PRKAA2: variants seen among roughly 807,000 people sequenced by gnomAD.
The protein encoded by PRKAA2 is 5'-AMP-activated protein kinase catalytic subunit alpha-2.
PRKAA2 carries 40 observed loss-of-function variants against 56.3 expected under a neutral mutation model. The ratio of observed to expected loss-of-function variants is 0.71; its 90% CI spans 0.55 to 0.92. The LOEUF (loss-of-function observed/expected upper bound fraction) is 0.92. Among genes scored for constraint, PRKAA2 ranks in the 40% least tolerant of loss-of-function variants. PRKAA2 has a pLI of 0.00. For missense variants in PRKAA2, 542 were observed against 686.9 expected (o/e 0.79, Z 2.36); for synonymous variants, 214 against 234.2 (o/e 0.91, Z 0.79).
At chr1:56,697,475 A>G (rs1249616183) in intron 6 of PRKAA2, among the ~76,000 whole-genome samples, 1 of 152,082 alleles carries the variant, frequency 6.6e-6, no homozygotes, top group African/African-American at 2.4e-5. Flanking sequence ...GCCTTTCTTC[A>G]GTGTTCCAAA....
rs1644381969 is a variant in PRKAA2 at position 56,713,399 on chromosome 1, A to G, written c.*5686A>G. ...TTGTGACTATGATGTGACTTTTGGT[A>G]AAAATGGTTTATATCTAAAGTAGTT... On this transcript the variant is annotated 3_prime_UTR_variant, in exon 9 of 9. Coordinates refer to ENST00000371244, the MANE Select transcript of PRKAA2 (RefSeq NM_006252.4). 6.6e-6 allele frequency: 1 copy of G among 152,192 alleles called. No individual in the cohort carries two copies. The highest frequency in any genetic ancestry group is 6.6e-5 in the Admixed American group (1 of 15,250). 9.4% of individuals were successfully genotyped at this position (152,192 alleles called of 1,614,324 possible).
chr1:56,703,935 A>C (rs1309962997), intron 6 of PRKAA2, 36 bp from the exon 7 acceptor site: 1 of 1,550,774 alleles, frequency 6.4e-7, no homozygotes, highest in Non-Finnish European at 8.7e-7. Context: ...TTGCCAAACC[A>C]TGTCTTACAA....
rs1487857957 is a variant in PRKAA2, at chr1:56,708,301, G to A, written c.*588G>A. ...TATTCAACAGAAGGACTGTGGTCAT[G>A]TAACAGGTAACCACAATTTTCAGGT... On this transcript the variant is annotated 3_prime_UTR_variant, in exon 9 of 9. Transcript: ENST00000371244. 4 of 152,252 alleles carry A rather than the reference G, an allele frequency of 2.6e-5. No individual in the cohort carries two copies. In the East Asian group the frequency reaches 7.7e-4, roughly 29 times the overall value. 9.4% of individuals were successfully genotyped at this position (152,252 alleles called of 1,614,324 possible).
chr1:56,708,865 G>A lies in PRKAA2; in HGVS notation c.*1152G>A, dbSNP rs1376085814. 6.6e-6 allele frequency: 1 copy of A among 151,934 alleles called. No individual in the cohort carries two copies. The highest frequency in any genetic ancestry group is 2.4e-5 in the African/African-American group (1 of 41,406). The allele number at this position is 151,934 out of a possible 1,614,324, so 9.4% of individuals were successfully genotyped here. ...AGGGCAGGGAAGCTTTGAACATCAA[G>A]AAAAAATTTTTATCTTAAATAAATA... On this transcript the variant is annotated 3_prime_UTR_variant, in exon 9 of 9. Coordinates refer to ENST00000371244, the MANE Select transcript of PRKAA2 (RefSeq NM_006252.4).
At chr1:56,689,155 A>C (rs2100420980) in intron 2 of PRKAA2, among the ~76,000 whole-genome samples, 1 of 152,306 alleles carries the variant, frequency 6.6e-6, no homozygotes, top group South Asian at 2.1e-4. Context: ...AGAGCACAAA[A>C]GTGATTGAAA....
intron 1 of PRKAA2, among the ~76,000 whole-genome samples, chr1:56,663,750 A>AT (rs1644012779): frequency 6.6e-6 from 1 of 152,080 alleles, no homozygotes; most frequent in East Asian, 1.9e-4. Flanking sequence ...ACAATATTTA[A>AT]TTTTTTTTCT....
chr1:56,668,277 G>T (rs2746344), intron 1 of PRKAA2, among the ~76,000 whole-genome samples: 65 of 125,878 alleles, frequency 5.2e-4, no homozygotes, highest in South Asian at 4.1e-3. Flanking sequence ...GGTGGGGGGA[G>T]GGGGGAGGGA....
chr1:56,692,172 C>T (rs1644232609), intron 3 of PRKAA2, among the ~76,000 whole-genome samples, 186 bp from the exon 4 acceptor site: 2 of 151,808 alleles, frequency 1.3e-5, no homozygotes, highest in African/African-American at 4.8e-5. Context: ...GCTGGAACTA[C>T]AGGTGCATGT....
intron 6 of PRKAA2, among the ~76,000 whole-genome samples, chr1:56,699,217 A>C (rs980501698): frequency 6.6e-6 from 1 of 152,196 alleles, no homozygotes; most frequent in African/African-American, 2.4e-5. Context: ...TTTTTGAGGG[A>C]ATATTTGAAA....
chr1:56,701,955 G>T (rs1404838731), intron 6 of PRKAA2, among the ~76,000 whole-genome samples: 1 of 152,014 alleles, frequency 6.6e-6, no homozygotes, highest in African/African-American at 2.4e-5. Context: ...ACAACTAAAA[G>T]AATGTATTGT....
chr1:56,664,495 G>T (rs1253834808), intron 1 of PRKAA2, among the ~76,000 whole-genome samples: 2 of 151,608 alleles, frequency 1.3e-5, no homozygotes, highest in African/African-American at 4.8e-5. Flanking sequence ...ATATTTACTT[G>T]TTTATATTTA....
intron 2 of PRKAA2, among the ~76,000 whole-genome samples, chr1:56,680,341 G>GT (rs772401434): frequency 4.7e-4 from 70 of 149,176 alleles, no homozygotes; most frequent in Non-Finnish European, 8.3e-4. Flanking sequence ...AGGAATTATG[G>GT]TTTTTTTTTT....
chr1:56,668,804 C>T (rs1183460425), intron 1 of PRKAA2, among the ~76,000 whole-genome samples: 2 of 152,152 alleles, frequency 1.3e-5, no homozygotes, highest in Non-Finnish European at 2.9e-5. Context: ...TGCTGGACTT[C>T]ATATGGGAAT....
chr1:56,703,374 C>A (rs551568095), intron 6 of PRKAA2, among the ~76,000 whole-genome samples: 4 of 151,354 alleles, frequency 2.6e-5, no homozygotes, highest in African/African-American at 4.8e-5. Context: ...CCATATTTTC[C>A]AAAAAAAATT....
intron 1 of PRKAA2, among the ~76,000 whole-genome samples, chr1:56,672,410 C>T (rs934158202): frequency 1.3e-5 from 2 of 152,172 alleles, no homozygotes; most frequent in African/African-American, 4.8e-5. Flanking sequence ...AGCTGTCATG[C>T]TTGGCCCTTG....
intron 6 of PRKAA2, among the ~76,000 whole-genome samples, chr1:56,701,769 T>C (rs932827429): frequency 6.6e-6 from 1 of 151,018 alleles, no homozygotes; most frequent in African/African-American, 2.4e-5. Flanking sequence ...TGGCAGGTGC[T>C]TGTAGTCCCA....
intron 8 of PRKAA2, among the ~76,000 whole-genome samples, chr1:56,707,213 A>G (rs1239821015): frequency 6.6e-6 from 1 of 152,132 alleles, no homozygotes; most frequent in Non-Finnish European, 1.5e-5. Context: ...TTTGATTCCA[A>G]TATCAATGCC....
rs1197456016 is a variant in PRKAA2 at position 56,693,766 on chromosome 1, A to G, written c.477A>G (p.Gly159=). The change falls in exon 5 of 9, where the codon GGA becomes GGG. Residue 159 remains glycine (G), a splice_region_variant and synonymous_variant. Transcript: ENST00000371244. ...AGTAAACATTACTTTTATTTTTAGG[A>G]TTATCTAATATGATGTCAGATGGTG... ...AHMNAKIADF[G]LSNMMSDGEF... 6.4e-7 allele frequency: 1 copy of G among 1,560,402 alleles called. No homozygotes were observed. The highest frequency in any genetic ancestry group is 1.2e-5 in the South Asian group (1 of 84,094).
chr1:56,708,038 G>A lies in PRKAA2; in HGVS notation c.*325G>A, dbSNP rs2100442040. On this transcript the variant is annotated 3_prime_UTR_variant, in exon 9 of 9. Coordinates refer to ENST00000371244, the MANE Select transcript of PRKAA2 (RefSeq NM_006252.4). Reference sequence around the variant, plus strand: ...CACTGGCGAACCATCTCAATGTAAGGGTGGTTTGGCAACACCTCCTTGCTT... The same window carrying A: ...CACTGGCGAACCATCTCAATGTAAGAGTGGTTTGGCAACACCTCCTTGCTT... The A allele has an allele frequency of 6.8e-6, 2 of 292,916 alleles. No homozygotes were observed. The highest frequency in any genetic ancestry group is 1.3e-5 in the Non-Finnish European group (2 of 156,196). 18.1% of individuals were successfully genotyped at this position (292,916 alleles called of 1,614,324 possible).
Sources: gnomAD v4.1 joint callset for allele counts (sites outside exome capture counted in the v4.1 genomes callset) on GRCh38, gnomAD v4.1.1 for gene constraint, MANE v1.5 for transcripts, NCBI Gene and HGNC (gene_info 2026-07-23, HGNC 2026-07-21) for gene names.